The following ITGA3 variants were observed in gnomAD, a reference collection of about 807,000 sequenced individuals.
ITGA3 encodes the protein integrin subunit alpha 3, also known as integrin alpha-3.
A neutral mutation model predicts 131.1 loss-of-function variants in ITGA3; 70 were observed. The ratio of observed to expected loss-of-function variants is 0.53; its 90% confidence interval spans 0.44 to 0.65. The LOEUF is 0.65. Among genes scored for constraint, ITGA3 ranks in the 30% least tolerant of loss-of-function variants. ITGA3 has a pLI of 0.00. For missense variants in ITGA3, 1,098 were observed against 1,388.6 expected (o/e 0.79, Z 3.33); for synonymous variants, 537 against 571.6 (o/e 0.94, Z 0.86).
chr17:50,085,871 T>C (rs867063868), intron 23 of ITGA3, among the ~76,000 whole-genome samples: 12 of 108,772 alleles, frequency 1.1e-4, no homozygotes, highest in African/African-American at 3.4e-4. Flanking sequence ...AGATTATACA[T>C]TATAGATTTA....
At chr17:50,070,789 C>T in intron 4 of ITGA3, 55 bp from the exon 5 acceptor site, 1 of 1,228,436 alleles carries the variant, frequency 8.1e-7, no homozygotes, top group Non-Finnish European at 1.2e-6. Context: ...TAGAGGAAAC[C>T]AGAAACCGGT....
chr17:50,084,224 C>CT (rs1909295222), intron 23 of ITGA3, among the ~76,000 whole-genome samples: 1 of 102,390 alleles, frequency 9.8e-6, no homozygotes, highest in African/African-American at 4.2e-5. Context: ...GAGTGAGACT[C>CT]TGTCTCAAAA....
In ITGA3 at chr17:50,068,450, T is replaced by A. The variant is rs753873685; in HGVS notation, c.664+145T>A. 2.4e-4 allele frequency: 203 copies of A among 847,300 alleles called. 2 individuals carry two copies. Among genetic ancestry groups the A allele is most frequent in the Middle Eastern group, 9.1e-4 (4 of 4,372 alleles). The allele number at this position is 847,300 out of a possible 1,614,324, so 52.5% of individuals were successfully genotyped here. ...AGCAACCACCATGACTTCTACTGTT[T>A]TAAAGCACTTACTATGTGCCAGGGG... On this transcript the variant is annotated intron_variant, in intron 4 of 25. Coordinates refer to ENST00000320031, the MANE Select transcript of ITGA3 (RefSeq NM_002204.4).
At chr17:50,080,974 T>C (rs751815673) in intron 22 of ITGA3, 3 of 295,540 alleles carry the variant, frequency 1.0e-5, no homozygotes, top group South Asian at 4.7e-5. Flanking sequence ...CAAACAGCCA[T>C]AGACAAATGA....
chr17:50,083,413 G>C (rs1374243160), intron 23 of ITGA3, among the ~76,000 whole-genome samples: 2 of 152,024 alleles, frequency 1.3e-5, no homozygotes, highest in African/African-American at 4.8e-5. Context: ...TCTGTATACA[G>C]CAAAAGAGAT....
Position 50,068,096 on chromosome 17 carries a change from C to G in ITGA3, c.455C>G (p.Ser152Ter). The stretch of plus-strand genomic sequence containing the variant: ...TACACCCAGGTGCTGTGGTCAGGGT[C>G]AGAAGACCAGCGGCGCATGGTGGGC... Reference protein sequence around the residue: ...HRYTQVLWSGSEDQRRMVGKC... With the variant: ...HRYTQVLWSG The change falls in exon 4 of 26, where the codon TCA becomes TGA. Residue 152 changes from serine to a stop codon, truncating the protein, a stop_gained. Transcript: ENST00000320031. LOFTEE classifies it high-confidence loss of function. 1 of 1,614,100 alleles carries G rather than the reference C, an allele frequency of 6.2e-7. No individual in the cohort carries two copies. Among genetic ancestry groups the G allele is most frequent in the Non-Finnish European group, 8.5e-7 (1 of 1,180,034 alleles).
Position 50,076,991 on chromosome 17 carries a change from ACGT to A in ITGA3, c.1942_1944del (p.Val648del). On this transcript the variant is annotated inframe_deletion, in exon 15 of 26. Coordinates refer to ENST00000320031, the MANE Select transcript of ITGA3 (RefSeq NM_002204.4). ...GCTCTCAGGCTCCAGTACAGCAGAG[ACGT>A]CCGGAAATTGCTCCTGAGCATCAAC... The A allele has an allele frequency of 6.2e-7, 1 of 1,610,316 alleles. No individual in the cohort carries two copies. The highest frequency in any genetic ancestry group is 1.1e-5 in the South Asian group (1 of 90,852).
intron 16 of ITGA3, 76 bp from the exon 17 acceptor site, chr17:50,077,970 C>T (rs749386689): frequency 1.7e-5 from 21 of 1,233,132 alleles, no homozygotes; most frequent in East Asian, 2.4e-5. Context: ...GAATAGTGTG[C>T]ATCCCCTCCT....
chr17:50,090,224 G>A lies in ITGA3; in HGVS notation c.*1146G>A. 1 of 456,510 alleles carries A rather than the reference G, an allele frequency of 2.2e-6. No individual in the cohort carries two copies. Among genetic ancestry groups the A allele is most frequent in the Non-Finnish European group, 4.4e-6 (1 of 226,886 alleles). The allele number at this position is 456,510 out of a possible 1,614,324, so 28.3% of individuals were successfully genotyped here. ...ACGCTGACCATGCGTCAGGGGCCTA[G>A]AGGTGGAGTTCTTAGCTATCCTTGG... On this transcript the variant is annotated 3_prime_UTR_variant, in exon 26 of 26. Coordinates refer to ENST00000320031, the MANE Select transcript of ITGA3 (RefSeq NM_002204.4).
At chr17:50,075,075 A>G (rs1338047566) in intron 10 of ITGA3, among the ~76,000 whole-genome samples, 1 of 152,214 alleles carries the variant, frequency 6.6e-6, no homozygotes, top group East Asian at 1.9e-4. Context: ...CTTTAAGTGA[A>G]TGAGGATTTT....
Position 50,064,535 on chromosome 17 carries a change from T to A in ITGA3, c.342T>A (p.Pro114=). ...TCCTTCCGGTGCCCACAGATGACCCTGGCCATCACATTATTGAGGACATGT... is the reference window on the plus strand; with the variant it reads ...TCCTTCCGGTGCCCACAGATGACCCAGGCCATCACATTATTGAGGACATGT... ...ERMNITVKND[P]GHHIIEDMWL... The change falls in exon 3 of 26, where the codon CCT becomes CCA. Residue 114 remains proline (P), a synonymous_variant. Coordinates refer to ENST00000320031, the MANE Select transcript of ITGA3 (RefSeq NM_002204.4). This position sits in a 1 kb window ranked among gnomAD's most constrained non-coding sequence, Gnocchi z 4.4. 1 of 1,612,252 alleles carries A rather than the reference T, an allele frequency of 6.2e-7. No homozygotes were observed. Among genetic ancestry groups the A allele is most frequent in the South Asian group, 1.1e-5 (1 of 90,238 alleles).
chr17:50,080,649 T>C (rs1712453034), intron 22 of ITGA3, among the ~76,000 whole-genome samples: 1 of 152,106 alleles, frequency 6.6e-6, no homozygotes, highest in South Asian at 2.1e-4. Flanking sequence ...GAATGCTCAT[T>C]TCCCCTCTTT....
At chr17:50,061,466 G>A (rs1030428292) in intron 1 of ITGA3, among the ~76,000 whole-genome samples, 4 of 151,986 alleles carry the variant, frequency 2.6e-5, no homozygotes, top group African/African-American at 9.7e-5. Flanking sequence ...CAACAAGGGG[G>A]CAACACTTCC....
rs16948651 is a variant in ITGA3 at position 50,080,039 on chromosome 17, A to G, written c.2707-223A>G. On this transcript the variant is annotated intron_variant, in intron 21 of 25. Transcript: ENST00000320031. The stretch of plus-strand genomic sequence containing the variant: ...TTTACACAAGCAGGGGCCAGATTCC[A>G]TGTTATCCATGTGCCTGGCATTATA... 0.095 allele frequency among the ~76,000 whole-genome samples: 14,450 copies of G among 152,164 alleles called. 1,296 individuals carry two copies. Among genetic ancestry groups the G allele is most frequent in the African/African-American group, 0.23 (9,676 of 41,474 alleles).
rs760153056 is a variant in ITGA3, at chr17:50,076,703, C to A, written c.1922+22C>A. 28 of 1,565,288 alleles carry A rather than the reference C, an allele frequency of 1.8e-5. 2 individuals are homozygous for A. The South Asian group carries it at 2.9e-4, about 16-fold the overall frequency. On this transcript the variant is annotated intron_variant, in intron 14 of 25. Coordinates refer to ENST00000320031, the MANE Select transcript of ITGA3 (RefSeq NM_002204.4). ...GCAGGTGGCTGTGGGCCGCCGGCCG[C>A]GTTAATCGGCCAAGGGTGGGACGGG...
At position 50,064,184 on chromosome 17, in the gene ITGA3, G is replaced by A. The variant is rs368933755; in HGVS notation, c.314G>A (p.Arg105Gln). The A allele has an allele frequency of 1.7e-5, 28 of 1,608,840 alleles. No homozygotes were observed. The highest frequency in any genetic ancestry group is 1.7e-4 in the Middle Eastern group (1 of 5,798). ...ACTGCCCACAAGGATGACTGTGAGC[G>A]GATGAACATCACAGTGAAAAGTGAG... ...PLTAHKDDCE[R>Q]MNITVKNDPG... The change falls in exon 2 of 26, where the codon CGG becomes CAG. Residue 105 changes from arginine to glutamine, a missense_variant. Coordinates refer to ENST00000320031, the MANE Select transcript of ITGA3 (RefSeq NM_002204.4). This position sits in a 1 kb window ranked among gnomAD's most constrained non-coding sequence, Gnocchi z 4.4.
At chr17:50,086,278 T>A (rs1052353903) in intron 23 of ITGA3, 19 of 144,552 alleles carry the variant, frequency 1.3e-4, no homozygotes, top group African/African-American at 4.8e-4. Context: ...ATTATACATG[T>A]ATAATATATA....
intron 7 of ITGA3, among the ~76,000 whole-genome samples, chr17:50,073,710 C>A (rs1259842923): frequency 2.0e-5 from 3 of 152,148 alleles, no homozygotes; most frequent in Non-Finnish European, 4.4e-5. Flanking sequence ...TACTTTCCCA[C>A]CCGTGATAGG....
Position 50,077,056 on chromosome 17 carries a change from G to A in ITGA3, c.2005G>A (p.Asp669Asn), listed in dbSNP as rs1375929078. 3 of 1,604,816 alleles carry A rather than the reference G, an allele frequency of 1.9e-6. No homozygotes were observed. Among genetic ancestry groups the A allele is most frequent in the Middle Eastern group, 1.7e-4 (1 of 6,060 alleles). Residue 669 changes from aspartate (D) to asparagine (N), a missense_variant, in exon 15 of 26, where the codon GAC (aspartate) becomes AAC (asparagine). Physicochemically the swap from Asp to Asn is conservative, Grantham distance 23. This residue lies in a region of ITGA3 where 699 missense variants were observed against 829.2 expected (regional missense o/e 0.84). Transcript: ENST00000320031. Reference protein sequence around the residue: ...NTRTSERSGEDAHEALLTLVV... With the variant: ...NTRTSERSGENAHEALLTLVV... Reference sequence around the variant, plus strand: ...CCGGACCTCGGAGCGCTCCGGGGAGGACGCCCACGAGGCGCTGCTCACCCT... The same window carrying A: ...CCGGACCTCGGAGCGCTCCGGGGAGAACGCCCACGAGGCGCTGCTCACCCT...
Sources: allele counts gnomAD v4.1 joint callset (sites outside exome capture counted in the v4.1 genomes callset), GRCh38; gene constraint gnomAD v4.1.1; regional missense constraint gnomAD v4.1.1; non-coding constraint Gnocchi (gnomAD v3.1); transcripts MANE v1.5; gene names NCBI Gene and HGNC (gene_info 2026-07-23, HGNC 2026-07-21).